Variants in PHACTR2 observed in about 807,000 individuals in gnomAD.
The protein encoded by PHACTR2 is chromosome 6 open reading frame 56.
A neutral mutation model predicts 76.0 loss-of-function variants in PHACTR2; 30 were observed. That is an observed-to-expected ratio of 0.39 (90% CI 0.30 to 0.54). The LOEUF is 0.54. Among genes scored for constraint, PHACTR2 ranks in the 20% least tolerant of loss-of-function variants. PHACTR2 has a pLI of 0.61. For missense variants in PHACTR2, 696 were observed against 781.1 expected (o/e 0.89, Z 1.30); for synonymous variants, 292 against 292.5 (o/e 1.00, Z 0.02).
In PHACTR2 at chr6:143,736,554, A is replaced by ATT. The variant is rs776969170; in HGVS notation, c.215-12394_215-12393dup. Among the ~76,000 whole-genome samples, 29 of 56,990 alleles carry ATT rather than the reference A, an allele frequency of 5.1e-4. 3 individuals are homozygous for ATT. Among genetic ancestry groups the ATT allele is most frequent in the African/African-American group, 8.5e-4 (13 of 15,358 alleles). 37.4% of individuals were successfully genotyped at this position (56,990 alleles called of 152,430 possible). A position where few individuals can be genotyped will look rare whatever the true frequency, so the allele number is the denominator to read the frequency against. On this transcript the variant is annotated intron_variant, in intron 2 of 12. Transcript: ENST00000440869. ...TGTAATTTATGCCAAACCCTTTACA[A>ATT]TTTTTTTTTTTTTTTTTTTTTTTTT... is the stretch of plus-strand genomic sequence containing the variant.
rs964912558 is a variant in PHACTR2 at position 143,828,626 on chromosome 6, C to G, written c.*4937C>G. ...AAGGATGGGTCATTTTTTAGCCATG[C>G]TAGGATTTACTGCACACACAAAAAA... On this transcript the variant is annotated 3_prime_UTR_variant, in exon 13 of 13. Transcript: ENST00000440869. The surrounding 1 kb of genome is among the most constrained non-coding windows in gnomAD (Gnocchi z 4.7). 2 of 152,102 alleles carry G rather than the reference C, an allele frequency of 1.3e-5. No individual in the cohort carries two copies. The highest frequency in any genetic ancestry group is 1.9e-4 in the East Asian group (1 of 5,194). The allele number at this position is 152,102 out of a possible 1,614,324, so 9.4% of individuals were successfully genotyped here.
chr6:143,677,053 C>A (rs886444547), upstream of PHACTR2, among the ~76,000 whole-genome samples: 2 of 151,732 alleles, frequency 1.3e-5, no homozygotes, highest in Non-Finnish European at 2.9e-5. Context: ...AAATATATTG[C>A]ACTTTCTGAT....
At chr6:143,667,216 G>T (rs7450663) in intron 1 of PHACTR2, among the ~76,000 whole-genome samples, 70,828 of 151,808 alleles carry the variant, frequency 0.47, 16,488 homozygotes, top group South Asian at 0.59. Flanking sequence ...CTGAGGCCTC[G>T]GTTCTGTTCC....
At chr6:143,609,604 A>G (rs1314109644) in intron 1 of PHACTR2, among the ~76,000 whole-genome samples, 2 of 152,228 alleles carry the variant, frequency 1.3e-5, no homozygotes, top group Non-Finnish European at 2.9e-5. Flanking sequence ...CAATTTGAAG[A>G]TCAACCAAAA....
Position 143,634,158 on chromosome 6 carries a change from A to G in PHACTR2, c.13+25836A>G, listed in dbSNP as rs1776411145. The stretch of plus-strand genomic sequence containing the variant: ...GGCCTTTTGCAGTGTGATAACTTTC[A>G]GAACAAGATTTCTTTTTCCTTTTGC... On this transcript the variant is annotated intron_variant, in intron 1 of 11. Transcript: ENST00000305766. 1.3e-5 allele frequency among the ~76,000 whole-genome samples: 2 copies of G among 152,222 alleles called. 1 individual carries two copies. The highest frequency in any genetic ancestry group is 1.3e-4 in the Admixed American group (2 of 15,278).
intron 6 of PHACTR2, among the ~76,000 whole-genome samples, chr6:143,771,306 G>T (rs1293931013): frequency 7.0e-6 from 1 of 142,834 alleles, no homozygotes; most frequent in African/African-American, 2.6e-5. Context: ...TGCTAGCATG[G>T]CTCACTGCAG....
At chr6:143,584,160 TTTAC>T (rs1775600755) in intron 1 of PHACTR2, among the ~76,000 whole-genome samples, 1 of 152,194 alleles carries the variant, frequency 6.6e-6, no homozygotes, top group Non-Finnish European at 1.5e-5. Flanking sequence ...ATACATTCTT[TTTAC>T]CCTGCATCAT....
At chr6:143,538,573 A>T (rs1011287314) in intron 1 of PHACTR2, among the ~76,000 whole-genome samples, 1 of 152,212 alleles carries the variant, frequency 6.6e-6, no homozygotes, top group African/African-American at 2.4e-5. Context: ...ACCAGCTACC[A>T]CTGCCCTGGT....
intron 3 of PHACTR2, among the ~76,000 whole-genome samples, chr6:143,749,773 G>A (rs964904568): frequency 6.6e-6 from 1 of 152,172 alleles, no homozygotes; most frequent in African/African-American, 2.4e-5. Flanking sequence ...AAAAGAAGAC[G>A]CTAACATTGG....
rs1775233309 is a variant in PHACTR2, at chr6:143,774,645, C to T, written c.1589+430C>T. 6.6e-6 allele frequency among the ~76,000 whole-genome samples: 1 copy of T among 152,150 alleles called. No individual in the cohort carries two copies. Among genetic ancestry groups the T allele is most frequent in the East Asian group, 1.9e-4 (1 of 5,188 alleles). ...TCACAGTTTGCTCAACAATCCTGGC[C>T]TAATTTATGGACTCACTAGCATTCC... On this transcript the variant is annotated intron_variant, in intron 8 of 12. Coordinates refer to ENST00000440869, the MANE Select transcript of PHACTR2 (RefSeq NM_001100164.2). This position sits in a 1 kb window ranked among gnomAD's most constrained non-coding sequence, Gnocchi z 5.4.
chr6:143,572,990 TG>T (rs1562240015), intron 1 of PHACTR2, among the ~76,000 whole-genome samples: 1 of 152,262 alleles, frequency 6.6e-6, no homozygotes, highest in Non-Finnish European at 1.5e-5. Context: ...AAAAATGAAA[TG>T]TTTTTTACTT....
chr6:143,550,134 G>A lies in PHACTR2; in HGVS notation c.217+12927G>A, dbSNP rs768085092. 6.6e-6 allele frequency among the ~76,000 whole-genome samples: 1 copy of A among 151,998 alleles called. No individual in the cohort carries two copies. Among genetic ancestry groups the A allele is most frequent in the African/African-American group, 2.4e-5 (1 of 41,420 alleles). Reference sequence around the variant, plus strand: ...TCACATATGAGTAGATGACAGAGTCGTATTATCTAATGTAGCATTTCTCAT... The same window carrying A: ...TCACATATGAGTAGATGACAGAGTCATATTATCTAATGTAGCATTTCTCAT... On this transcript the variant is annotated intron_variant, in intron 1 of 11. Coordinates refer to the PHACTR2 transcript ENST00000367584. The surrounding 1 kb of genome is among the most constrained non-coding windows in gnomAD (Gnocchi z 4.8).
intron 1 of PHACTR2, among the ~76,000 whole-genome samples, chr6:143,560,344 A>G (rs1338307880): frequency 6.6e-6 from 1 of 152,226 alleles, no homozygotes; most frequent in Non-Finnish European, 1.5e-5. Context: ...TTAGAAACTG[A>G]ACCAAGTATT....
intron 1 of PHACTR2, among the ~76,000 whole-genome samples, chr6:143,540,315 G>T (rs751603315): frequency 1.3e-5 from 2 of 152,130 alleles, no homozygotes; most frequent in Non-Finnish European, 2.9e-5. Flanking sequence ...GGGGAAGAAA[G>T]AGTGCTTGCC....
At chr6:143,714,356 A>T (rs1475654083) in intron 2 of PHACTR2, among the ~76,000 whole-genome samples, 2 of 152,212 alleles carry the variant, frequency 1.3e-5, no homozygotes, top group Admixed American at 6.5e-5. Flanking sequence ...GATAAATACC[A>T]CTTTTCCTGG....
chr6:143,700,000 G>A (rs1252313326), intron 1 of PHACTR2, among the ~76,000 whole-genome samples: 6 of 152,118 alleles, frequency 3.9e-5, no homozygotes, highest in African/African-American at 1.4e-4. Flanking sequence ...GATTGTCCGG[G>A]ATACTACATG....
chr6:143,708,727 G>A lies in PHACTR2; in HGVS notation c.47-3289G>A, dbSNP rs1428561985. Among the ~76,000 whole-genome samples, 1 of 152,204 alleles carries A rather than the reference G, an allele frequency of 6.6e-6. No homozygotes were observed. The highest frequency in any genetic ancestry group is 1.5e-5 in the Non-Finnish European group (1 of 68,044). On this transcript the variant is annotated intron_variant, in intron 1 of 12. Transcript: ENST00000440869. The surrounding 1 kb of genome is among the most constrained non-coding windows in gnomAD (Gnocchi z 5.5). The stretch of plus-strand genomic sequence containing the variant: ...AGTGGTCCTCACATTCATGATTTAA[G>A]AGAAGTACAATGGCACATCGGCCAA...
At chr6:143,552,765 A>G (rs980756759) in intron 1 of PHACTR2, among the ~76,000 whole-genome samples, 2 of 151,578 alleles carry the variant, frequency 1.3e-5, no homozygotes, top group East Asian at 2.0e-4. Context: ...TGAGCCGGGC[A>G]TGGTGGTGGG....
At chr6:143,740,410 C>T (rs1486166282) in intron 2 of PHACTR2, among the ~76,000 whole-genome samples, 1 of 151,468 alleles carries the variant, frequency 6.6e-6, no homozygotes, top group Non-Finnish European at 1.5e-5. Context: ...TCTTAGCCTC[C>T]TTGTACCCAG....
Sources: gnomAD v4.1 joint callset for allele counts (sites outside exome capture counted in the v4.1 genomes callset) on GRCh38, gnomAD v4.1.1 for gene constraint, Gnocchi (gnomAD v3.1) non-coding constraint, MANE v1.5 for transcripts, NCBI Gene and HGNC (gene_info 2026-07-23, HGNC 2026-07-21) for gene names.